The following RB1CC1 variants were observed in gnomAD, a reference collection of about 807,000 sequenced individuals.
The protein encoded by RB1CC1 is RB1 inducible coiled-coil 1.
A neutral mutation model predicts 177.5 loss-of-function variants in RB1CC1; 46 were observed. The observed-to-expected ratio is 0.26, with a 90% CI of 0.20 to 0.33. The LOEUF (loss-of-function observed/expected upper bound fraction) is 0.33. Among genes scored for constraint, RB1CC1 ranks in the 10% least tolerant of loss-of-function variants. RB1CC1 has a pLI of 1.00. For missense variants in RB1CC1, 1,703 were observed against 1,816.3 expected (o/e 0.94, Z 1.13); for synonymous variants, 666 against 613.6 (o/e 1.09, Z -1.26).
chr8:52,656,103 A>G lies in RB1CC1; in HGVS notation c.3726T>C (p.Ile1242=). 6.2e-7 allele frequency: 1 copy of G among 1,613,682 alleles called. No individual in the cohort carries two copies. The highest frequency in any genetic ancestry group is 8.5e-7 in the Non-Finnish European group (1 of 1,179,840). Residue 1242 remains isoleucine (I), a synonymous_variant, in exon 15 of 24, where the codon ATT becomes ATC. Coordinates refer to ENST00000025008, the MANE Select transcript of RB1CC1 (RefSeq NM_014781.5). ...ATTTAAATTCTTTTAGGGCAGTCTG[A>G]ATAGCTTCATCTTTTTCACAATTAA... ...QKLNCEKDEA[I]QTALKEFKLE...
intron 20 of RB1CC1, among the ~76,000 whole-genome samples, chr8:52,633,438 TGAGTC>T (rs1454348481): frequency 6.6e-6 from 1 of 152,186 alleles, no homozygotes; most frequent in Non-Finnish European, 1.5e-5. Context: ...AAACACGTAT[TGAGTC>T]ATGTCTGAGA....
chr8:52,685,169 A>G (rs1057146172), intron 3 of RB1CC1, among the ~76,000 whole-genome samples: 1 of 151,844 alleles, frequency 6.6e-6, no homozygotes, highest in African/African-American at 2.4e-5. Context: ...ACACCCAGCT[A>G]ATTTTTGTAT....
intron 18 of RB1CC1, 101 bp from the exon 19 acceptor site, chr8:52,636,170 A>T: frequency 7.7e-7 from 1 of 1,304,900 alleles, no homozygotes; most frequent in Non-Finnish European, 1.0e-6. Context: ...TTAACAATTT[A>T]AGGGTTTTCA....
At chr8:52,672,341 A>T (rs942014845) in intron 7 of RB1CC1, among the ~76,000 whole-genome samples, 6 of 152,162 alleles carry the variant, frequency 3.9e-5, no homozygotes, top group African/African-American at 1.2e-4. Context: ...AATTGAAAAA[A>T]ACCTAAGACT....
At chr8:52,645,306 A>G (rs921039748) in intron 16 of RB1CC1, among the ~76,000 whole-genome samples, 8 of 152,228 alleles carry the variant, frequency 5.3e-5, no homozygotes, top group African/African-American at 1.7e-4. Flanking sequence ...GAGAAAAAAT[A>G]AAATCATTTT....
At chr8:52,626,814 AT>A (rs1323548336) in intron 22 of RB1CC1, among the ~76,000 whole-genome samples, 2 of 138 alleles carry the variant, frequency 0.014, no homozygotes, top group African/African-American at 0.083. Context: ...TGGAGTTGTC[AT>A]GGGGAAAGTG....
chr8:52,642,599 A>C lies in RB1CC1; in HGVS notation c.4097-8T>G. The C allele has an allele frequency of 6.2e-7, 1 of 1,610,986 alleles. No homozygotes were observed. The highest frequency in any genetic ancestry group is 1.7e-4 in the Middle Eastern group (1 of 6,042). Reference sequence around the variant, plus strand: ...AAAGTGACTCTATCAAATCTGAAGGACACCCAAATTTAAAAAAGTATCATG... The same window carrying C: ...AAAGTGACTCTATCAAATCTGAAGGCCACCCAAATTTAAAAAAGTATCATG... On this transcript the variant is annotated splice_polypyrimidine_tract_variant and splice_region_variant and intron_variant, in intron 17 of 23. Coordinates refer to ENST00000025008, the MANE Select transcript of RB1CC1 (RefSeq NM_014781.5).
intron 7 of RB1CC1, among the ~76,000 whole-genome samples, chr8:52,673,542 T>C (rs1249669199): frequency 6.6e-6 from 1 of 152,210 alleles, no homozygotes; most frequent in Non-Finnish European, 1.5e-5. Flanking sequence ...TTCATTATCT[T>C]AATTTGTGTG....
At chr8:52,699,839 A>G (rs1206704292) in intron 1 of RB1CC1, among the ~76,000 whole-genome samples, 1 of 91,958 alleles carries the variant, frequency 1.1e-5, no homozygotes, top group Non-Finnish European at 2.4e-5. Flanking sequence ...AAATATATAT[A>G]TATATATATA....
intron 1 of RB1CC1, among the ~76,000 whole-genome samples, chr8:52,709,378 C>CTT (rs966116908): frequency 1.7e-4 from 26 of 152,216 alleles, no homozygotes; most frequent in East Asian, 7.7e-4. Flanking sequence ...ACAATTTTCT[C>CTT]GAGAGATTAT....
In RB1CC1 at chr8:52,714,130, C is replaced by G. The variant is rs1442666226; in HGVS notation, c.-222G>C. 3 of 315,102 alleles carry G rather than the reference C, an allele frequency of 9.5e-6. No individual in the cohort carries two copies. Among genetic ancestry groups the G allele is most frequent in the Non-Finnish European group, 2.0e-5 (3 of 152,236 alleles). The allele number at this position is 315,102 out of a possible 1,614,324, so 19.5% of individuals were successfully genotyped here. ...GCAGCAGAGCCAGCGACCCCCGGCA[C>G]CATCTTCCGCCGCCGCCTAGTCCTC... is the stretch of plus-strand genomic sequence containing the variant. On this transcript the variant is annotated 5_prime_UTR_variant, in exon 1 of 24. Coordinates refer to ENST00000025008, the MANE Select transcript of RB1CC1 (RefSeq NM_014781.5).
intron 8 of RB1CC1, among the ~76,000 whole-genome samples, chr8:52,666,244 G>C (rs950433276): frequency 6.6e-6 from 1 of 151,774 alleles, no homozygotes; most frequent in Admixed American, 6.6e-5. Flanking sequence ...CCAAATATAC[G>C]GCTGGGCGCC....
chr8:52,668,892 G>C (rs1370184217), intron 7 of RB1CC1, among the ~76,000 whole-genome samples: 1 of 152,186 alleles, frequency 6.6e-6, no homozygotes, highest in African/African-American at 2.4e-5. Context: ...GCTCTGGGAA[G>C]TTACTTCTAC....
intron 18 of RB1CC1, among the ~76,000 whole-genome samples, chr8:52,641,247 G>A (rs926004829): frequency 6.6e-6 from 1 of 151,934 alleles, no homozygotes; most frequent in Non-Finnish European, 1.5e-5. Context: ...AGCCAGGCGT[G>A]GTGGCAGGCG....
chr8:52,641,548 A>C (rs1457946455), intron 18 of RB1CC1, among the ~76,000 whole-genome samples: 1 of 152,122 alleles, frequency 6.6e-6, no homozygotes, highest in Non-Finnish European at 1.5e-5. Context: ...TGCTAGACTC[A>C]GGACTTGAAC....
At chr8:52,690,640 A>G (rs1424492810) in intron 1 of RB1CC1, among the ~76,000 whole-genome samples, 2 of 152,222 alleles carry the variant, frequency 1.3e-5, no homozygotes, top group Non-Finnish European at 2.9e-5. Flanking sequence ...TTGTGAGACT[A>G]AACACAAAAT....
intron 8 of RB1CC1, among the ~76,000 whole-genome samples, chr8:52,665,822 T>C (rs1192234203): frequency 6.6e-6 from 1 of 152,164 alleles, no homozygotes; most frequent in Non-Finnish European, 1.5e-5. Context: ...ATTCTGCTGA[T>C]TCTTGAAGAG....
rs189878835 is a variant in RB1CC1 at position 52,634,806 on chromosome 8, T to A, written c.4440+115A>T. ...AATGACCAACACGGACCAACAAACC[T>A]ACTATAGATAAGTCAATCAAAGCAT... On this transcript the variant is annotated intron_variant, in intron 20 of 23. Transcript: ENST00000025008. 218 of 871,914 alleles carry A rather than the reference T, an allele frequency of 2.5e-4. 1 individual carries two copies. The African/African-American group carries it at 3.3e-3, about 13-fold the overall frequency. 54.0% of individuals were successfully genotyped at this position (871,914 alleles called of 1,614,324 possible).
intron 9 of RB1CC1, 23 bp from the exon 10 acceptor site, chr8:52,661,304 T>A (rs370705955): frequency 3.0e-5 from 48 of 1,603,634 alleles, no homozygotes; most frequent in Non-Finnish European, 4.0e-5. Flanking sequence ...ATCCATTATT[T>A]TCAACATTCA....
Sources: allele counts gnomAD v4.1 joint callset (sites outside exome capture counted in the v4.1 genomes callset), GRCh38; gene constraint gnomAD v4.1.1; transcripts MANE v1.5; gene names NCBI Gene and HGNC (gene_info 2026-07-23, HGNC 2026-07-21).